The following KAZN variants were observed in gnomAD, a reference collection of about 807,000 sequenced individuals.
KAZN encodes the protein kazrin.
KAZN carries 40 observed loss-of-function variants against 87.4 expected under a neutral mutation model. That is an observed-to-expected ratio of 0.46 (90% CI 0.36 to 0.60). The LOEUF is 0.60. Ranked by LOEUF, KAZN falls within the 20% of genes least tolerant of loss-of-function variation. The pLI, the probability that KAZN is intolerant of heterozygous loss-of-function variation, is 0.00. For synonymous variants in KAZN, 466 were observed against 458.3 expected (o/e 1.02, Z -0.22); for missense variants, 898 against 1,073.9 (o/e 0.84, Z 2.29).
At chr1:14,575,526 G>T (rs1015757686) in intron 2 of KAZN, among the ~76,000 whole-genome samples, 4 of 152,092 alleles carry the variant, frequency 2.6e-5, no homozygotes, top group African/African-American at 4.8e-5. Context: ...AAACACGTGG[G>T]AATTAAGGGA....
At chr1:14,985,547 C>G (rs1010143079) in intron 2 of KAZN, among the ~76,000 whole-genome samples, 1 of 151,482 alleles carries the variant, frequency 6.6e-6, no homozygotes, top group East Asian at 2.0e-4. Context: ...AATAAATAAA[C>G]AAACAAAGAT....
chr1:14,199,927 T>G (rs1646604556), intron 2 of KAZN, among the ~76,000 whole-genome samples: 1 of 152,022 alleles, frequency 6.6e-6, no homozygotes, highest in Non-Finnish European at 1.5e-5. Flanking sequence ...ACCTTCCTTC[T>G]GCTTGGCCTT....
chr1:14,727,106 G>A (rs1557427593), intron 1 of KAZN, among the ~76,000 whole-genome samples: 1 of 151,936 alleles, frequency 6.6e-6, no homozygotes, highest in Non-Finnish European at 1.5e-5. Context: ...TCTCTTTTGA[G>A]GTTTTTAAAT....
intron 1 of KAZN, among the ~76,000 whole-genome samples, chr1:13,998,000 G>A (rs543326697): frequency 6.6e-6 from 1 of 152,242 alleles, no homozygotes; most frequent in East Asian, 1.9e-4. Flanking sequence ...ACCGACAAAG[G>A]GAAGCTCATT....
chr1:14,378,683 G>C (rs1273426115), intron 2 of KAZN, among the ~76,000 whole-genome samples: 4 of 152,184 alleles, frequency 2.6e-5, no homozygotes, highest in African/African-American at 9.7e-5. Context: ...TGCCCGCAGA[G>C]GGAATATTTA....
chr1:15,038,433 T>A (rs961261333), intron 3 of KAZN, among the ~76,000 whole-genome samples: 1 of 152,226 alleles, frequency 6.6e-6, no homozygotes, highest in Non-Finnish European at 1.5e-5. Context: ...AAATGTTTAT[T>A]GTGCACCTAC....
intron 2 of KAZN, among the ~76,000 whole-genome samples, chr1:14,283,871 A>G (rs1026347331): frequency 6.6e-6 from 1 of 152,220 alleles, no homozygotes; most frequent in Non-Finnish European, 1.5e-5. Context: ...ATCAACTGAC[A>G]AGCAGGTAAA....
In KAZN at chr1:14,785,743, A is replaced by G. The variant is rs1433822588; in HGVS notation, c.227-174941A>G. Among the ~76,000 whole-genome samples, 4 of 152,266 alleles carry G rather than the reference A, an allele frequency of 2.6e-5. No individual in the cohort carries two copies. The South Asian group carries it at 6.2e-4, about 24-fold the overall frequency. On this transcript the variant is annotated intron_variant, in intron 1 of 14. Coordinates refer to ENST00000376030, the MANE Select transcript of KAZN (RefSeq NM_201628.3). ...AATTGTTGTGAAGATTAAATAATAT[A>G]CTTCCACCTCTTTGCCCTGATCATT...
In KAZN at chr1:15,094,720, T is replaced by C. The variant is rs151218750; in HGVS notation, c.1429-95T>C. On this transcript the variant is annotated intron_variant, in intron 9 of 14. Coordinates refer to ENST00000376030, the MANE Select transcript of KAZN (RefSeq NM_201628.3). This position sits in a 1 kb window ranked among gnomAD's most constrained non-coding sequence, Gnocchi z 4.5. ...CACTGTATGAAAGGTGGGCAGGAGA[T>C]GGGGAAGGAGCCCCATGTCAACAGA... is the stretch of plus-strand genomic sequence containing the variant. The C allele has an allele frequency of 0.027, 23,032 of 854,648 alleles. 379 individuals carry two copies. The highest frequency in any genetic ancestry group is 0.034 in the Non-Finnish European group (18,528 of 544,486). 52.9% of individuals were successfully genotyped at this position (854,648 alleles called of 1,614,324 possible).
chr1:14,895,258 CT>C (rs1655132466), intron 1 of KAZN, among the ~76,000 whole-genome samples: 1 of 152,260 alleles, frequency 6.6e-6, no homozygotes, highest in South Asian at 2.1e-4. Flanking sequence ...CCTGGTTCCC[CT>C]GGCTCTCCCC....
intron 2 of KAZN, among the ~76,000 whole-genome samples, chr1:14,429,140 A>C (rs916863007): frequency 1.3e-5 from 2 of 152,120 alleles, no homozygotes; most frequent in Non-Finnish European, 2.9e-5. Flanking sequence ...ATGATCTTTC[A>C]GTCAAGCTCT....
intron 1 of KAZN, chr1:14,924,351 C>G (rs1233364448): frequency 6.1e-6 from 6 of 988,480 alleles, no homozygotes; most frequent in Admixed American, 1.2e-4. Flanking sequence ...GTAGCGTCCC[C>G]CCGGGCACCC....
intron 1 of KAZN, among the ~76,000 whole-genome samples, chr1:14,903,311 G>A (rs1055953099): frequency 3.3e-5 from 5 of 152,232 alleles, no homozygotes; most frequent in African/African-American, 9.6e-5. Flanking sequence ...AAGAGGTTGT[G>A]AAGTGGCCCG....
At chr1:14,876,668 ATAATGATGC>A (rs1652802590) in intron 1 of KAZN, among the ~76,000 whole-genome samples, 1 of 152,172 alleles carries the variant, frequency 6.6e-6, no homozygotes, top group Non-Finnish European at 1.5e-5. Flanking sequence ...CTAAAATAGG[ATAATGATGC>A]TAATGATAGT....
intron 2 of KAZN, among the ~76,000 whole-genome samples, chr1:15,012,943 C>T (rs749156040): frequency 5.9e-5 from 9 of 152,060 alleles, no homozygotes; most frequent in Non-Finnish European, 1.2e-4. Context: ...GAATGGGAAG[C>T]GTCAAGCTCA....
chr1:14,494,530 A>G (rs10927445), intron 2 of KAZN, among the ~76,000 whole-genome samples: 33,379 of 151,994 alleles, frequency 0.22, 4,011 homozygotes, highest in Non-Finnish European at 0.28. Context: ...TGTCATGCCA[A>G]TCCCCCTTCA....
Position 14,735,730 on chromosome 1 carries a change from A to G in KAZN, c.226+136507A>G, listed in dbSNP as rs1235662866. ...GATTTCCAAAGCGGCATGCCGGGTA[A>G]TAGCCACTCTTGCACGGCAAAGGAG... On this transcript the variant is annotated intron_variant, in intron 1 of 14. Transcript: ENST00000376030. The surrounding 1 kb of genome is among the most constrained non-coding windows in gnomAD (Gnocchi z 4.3). 6.6e-6 allele frequency among the ~76,000 whole-genome samples: 1 copy of G among 152,216 alleles called. No homozygotes were observed. Among genetic ancestry groups the G allele is most frequent in the East Asian group, 1.9e-4 (1 of 5,192 alleles).
chr1:14,706,852 T>A (rs1642238836), intron 1 of KAZN, among the ~76,000 whole-genome samples: 1 of 152,184 alleles, frequency 6.6e-6, no homozygotes, highest in South Asian at 2.1e-4. Flanking sequence ...CTTGTAGAGA[T>A]GTATACTAAA....
chr1:15,012,059 A>G (rs2102087938), intron 2 of KAZN, among the ~76,000 whole-genome samples: 1 of 152,244 alleles, frequency 6.6e-6, no homozygotes, highest in East Asian at 1.9e-4. Flanking sequence ...CACCATGGGC[A>G]CTCTTGCAGG....
Sources: allele counts gnomAD v4.1 joint callset (sites outside exome capture counted in the v4.1 genomes callset), GRCh38; gene constraint gnomAD v4.1.1; non-coding constraint Gnocchi (gnomAD v3.1); transcripts MANE v1.5; gene names NCBI Gene and HGNC (gene_info 2026-07-23, HGNC 2026-07-21).